Variants in MAG observed in about 807,000 individuals in gnomAD.
MAG encodes the protein myelin-associated glycoprotein.
MAG carries 30 observed loss-of-function variants against 60.7 expected under a neutral mutation model. That is an observed-to-expected ratio of 0.49 (90% CI 0.37 to 0.67). MAG has a LOEUF of 0.67. Ranked by LOEUF, MAG falls within the 30% of genes least tolerant of loss-of-function variation. The pLI is 0.00. For synonymous variants in MAG, 384 were observed against 376.8 expected, an observed-to-expected ratio of 1.02 and a Z score of -0.22; for missense variants, 795 against 851.7, an observed-to-expected ratio of 0.93 and a Z score of 0.83.
chr19:35,295,740 C>T lies in MAG; in HGVS notation c.174C>T (p.Val58=), dbSNP rs1422574010. 4.3e-6 allele frequency: 7 copies of T among 1,613,832 alleles called. No homozygotes were observed. The highest frequency in any genetic ancestry group is 5.9e-6 in the Non-Finnish European group (7 of 1,180,024). The part of the protein sequence containing the change: ...DELRPAVVHG[V]WYFNSPYPKN... ...TGCGGCCCGCTGTGGTGCATGGTGT[C>T]TGGTACTTCAATAGCCCCTACCCCA... Residue 58 remains valine, a synonymous_variant, in exon 4 of 11, where the codon GTC becomes GTT. Transcript: ENST00000392213. The surrounding 1 kb of genome is among the most constrained non-coding windows in gnomAD (Gnocchi z 5.8).
rs1480919426 is a variant in MAG, at chr19:35,313,273, G to C, written c.1717-17G>C. The C allele has an allele frequency of 1.9e-6, 3 of 1,609,320 alleles. No individual in the cohort carries two copies. The highest frequency in any genetic ancestry group is 2.5e-6 in the Non-Finnish European group (3 of 1,177,854). On this transcript the variant is annotated splice_polypyrimidine_tract_variant and intron_variant, in intron 10 of 10. Coordinates refer to ENST00000392213, the MANE Select transcript of MAG (RefSeq NM_002361.4). ...GCAGGGAGCAGGACCCTGCTAATGG[G>C]CGGTTTCCCCTCTTAGAGCGAGAGG...
chr19:35,301,871 C>A (rs2066451150), intron 6 of MAG, among the ~76,000 whole-genome samples: 1 of 151,110 alleles, frequency 6.6e-6, no homozygotes, highest in Non-Finnish European at 1.5e-5. Context: ...CGGACTCCTG[C>A]ATGCTTTTGA....
At position 35,293,995 on chromosome 19, in the gene MAG, C is replaced by T. The variant is rs1228768298; in HGVS notation, c.-79-240C>T. On this transcript the variant is annotated intron_variant, in intron 1 of 10. Coordinates refer to ENST00000392213, the MANE Select transcript of MAG (RefSeq NM_002361.4). The surrounding 1 kb of genome is among the most constrained non-coding windows in gnomAD (Gnocchi z 4.0). The stretch of plus-strand genomic sequence containing the variant: ...ACTCGCCACACCCCTCAGTCTCACC[C>T]CCGTACCCCGATGCGGTCGTTCCCC... Among the ~76,000 whole-genome samples the T allele has an allele frequency of 6.6e-6, 1 of 152,136 alleles. No individual in the cohort carries two copies. The highest frequency in any genetic ancestry group is 1.5e-5 in the Non-Finnish European group (1 of 68,010).
chr19:35,309,328 A>C (rs1429193877), intron 7 of MAG, among the ~76,000 whole-genome samples: 1 of 152,168 alleles, frequency 6.6e-6, no homozygotes, highest in Non-Finnish European at 1.5e-5. Context: ...TGCTACGGCG[A>C]GAGAAAGGGA....
At position 35,301,962 on chromosome 19, in the gene MAG, A is replaced by G. The variant is rs777035151; in HGVS notation, c.971-486A>G. ...CGCTGAAGCCTTCCCCCATCATCCTATCCCAAACTGTAACTACCCTGATTT... is the reference window on the plus strand; with the variant it reads ...CGCTGAAGCCTTCCCCCATCATCCTGTCCCAAACTGTAACTACCCTGATTT... On this transcript the variant is annotated intron_variant, in intron 6 of 10. Coordinates refer to ENST00000392213, the MANE Select transcript of MAG (RefSeq NM_002361.4). Among the ~76,000 whole-genome samples, 30 of 152,098 alleles carry G rather than the reference A, an allele frequency of 2.0e-4. 1 individual carries two copies. Among genetic ancestry groups the G allele is most frequent in the Non-Finnish European group, 3.4e-4 (23 of 67,982 alleles).
rs1210610124 is a variant in MAG at position 35,295,037 on chromosome 19, G to T, written c.-23-349G>T. 1.3e-5 allele frequency among the ~76,000 whole-genome samples: 2 copies of T among 152,144 alleles called. No homozygotes were observed. Among genetic ancestry groups the T allele is most frequent in the African/African-American group, 4.8e-5 (2 of 41,402 alleles). ...AGCCAAGGCAGGAATATTGCTGGAG[G>T]CCAGGAGTTGAAGACCAGCCTGGGC... On this transcript the variant is annotated intron_variant, in intron 2 of 10. Transcript: ENST00000392213. The surrounding 1 kb of genome is among the most constrained non-coding windows in gnomAD (Gnocchi z 5.8).
chr19:35,299,473 A>C, intron 4 of MAG, 81 bp from the exon 5 acceptor site: 1 of 920,116 alleles, frequency 1.1e-6, no homozygotes, highest in Non-Finnish European at 1.6e-6. Context: ...GGAGGTGGAC[A>C]AGGAGGAGGG....
rs960471583 is a variant in MAG at position 35,295,056 on chromosome 19, C to T, written c.-23-330C>T. On this transcript the variant is annotated intron_variant, in intron 2 of 10. Coordinates refer to ENST00000392213, the MANE Select transcript of MAG (RefSeq NM_002361.4). This position sits in a 1 kb window ranked among gnomAD's most constrained non-coding sequence, Gnocchi z 5.8. ...CTGGAGGCCAGGAGTTGAAGACCAG[C>T]CTGGGCAACATAGTAAGACCCCACC... Among the ~76,000 whole-genome samples, 2 of 152,116 alleles carry T rather than the reference C, an allele frequency of 1.3e-5. No individual in the cohort carries two copies. Among genetic ancestry groups the T allele is most frequent in the African/African-American group, 4.8e-5 (2 of 41,390 alleles).
Position 35,293,741 on chromosome 19 carries a change from C to G in MAG, c.-79-494C>G, listed in dbSNP as rs1047910172. Among the ~76,000 whole-genome samples the G allele has an allele frequency of 5.9e-5, 9 of 152,196 alleles. 1 individual carries two copies. The South Asian group carries it at 6.2e-4, about 11-fold the overall frequency. On this transcript the variant is annotated intron_variant, in intron 1 of 10. Transcript: ENST00000392213. This position sits in a 1 kb window ranked among gnomAD's most constrained non-coding sequence, Gnocchi z 4.0. ...TACTCCCCACTTACCCTGAAAGCCC[C>G]CCGCAGGCTAAAACACCCTCTCCCC... is the stretch of plus-strand genomic sequence containing the variant.
At chr19:35,306,247 G>A (rs10414549) in intron 7 of MAG, among the ~76,000 whole-genome samples, 53,928 of 146,960 alleles carry the variant, frequency 0.37, 10,073 homozygotes, top group Middle Eastern at 0.44. Flanking sequence ...ACAATACTGA[G>A]TGTTCATAGT....
At chr19:35,311,826 A>C in intron 9 of MAG, 92 bp from the exon 10 acceptor site, 1 of 788,318 alleles carries the variant, frequency 1.3e-6, no homozygotes, top group Non-Finnish European at 2.2e-6. Context: ...GATGGGTGGG[A>C]GAACTCTGAG....
chr19:35,313,351 T>C lies in MAG; in HGVS notation c.1778T>C (p.Leu593Pro), dbSNP rs758540666. 12 of 1,614,060 alleles carry C rather than the reference T, an allele frequency of 7.4e-6. No individual in the cohort carries two copies. Among genetic ancestry groups the C allele is most frequent in the Non-Finnish European group, 9.3e-6 (11 of 1,180,018 alleles). Residue 593 changes from leucine (L) to proline (P), a missense_variant, in exon 11 of 11, where the codon CTG becomes CCG. By Grantham distance (98) the Leu-to-Pro change is moderately conservative. Coordinates refer to ENST00000392213, the MANE Select transcript of MAG (RefSeq NM_002361.4). Reference protein sequence around the residue: ...LLGLRGEPPELDLSYSHSDLG... With the variant: ...LLGLRGEPPEPDLSYSHSDLG... ...GGCCTTCGGGGTGAGCCCCCAGAGC[T>C]GGACCTGAGCTATTCTCACTCGGAC...
intron 6 of MAG, 77 bp from the exon 7 acceptor site, chr19:35,302,371 C>A: frequency 6.4e-7 from 1 of 1,561,778 alleles, no homozygotes; most frequent in South Asian, 1.2e-5. Flanking sequence ...GATCTGGGGT[C>A]ATATCTGGGG....
chr19:35,303,490 G>A (rs1316696663), intron 7 of MAG, among the ~76,000 whole-genome samples: 2 of 152,152 alleles, frequency 1.3e-5, no homozygotes, highest in Non-Finnish European at 2.9e-5. Context: ...CCAGGAAATG[G>A]CAGAATTTGA....
chr19:35,296,374 C>G (rs2066398326), intron 4 of MAG, among the ~76,000 whole-genome samples: 1 of 152,192 alleles, frequency 6.6e-6, no homozygotes, highest in East Asian at 1.9e-4. Flanking sequence ...GCACTTAAGG[C>G]AATGAGTGAA....
At position 35,310,569 on chromosome 19, in the gene MAG, C is replaced by T. The variant is rs199748603; in HGVS notation, c.1542C>T (p.Ile514=). 1.9e-5 allele frequency: 30 copies of T among 1,614,050 alleles called. No individual in the cohort carries two copies. The highest frequency in any genetic ancestry group is 8.9e-5 in the East Asian group (4 of 44,886). Residue 514 remains isoleucine, a synonymous_variant, in exon 9 of 11, where the codon ATC becomes ATT. Transcript: ENST00000392213. ...CAGATCGACTGATGTGGGCCAAGAT[C>T]GGGCCTGTGGGCGCCGTGGTCGCCT... ...QGAHRLMWAK[I]GPVGAVVAFA...
intron 1 of MAG, 94 bp downstream of exon 1, chr19:35,292,298 G>C: frequency 2.2e-6 from 1 of 455,440 alleles, no homozygotes; most frequent in Non-Finnish European, 4.4e-6. Flanking sequence ...CTGGGTGAGG[G>C]AGCATCGCTG....
rs746838163 is a variant in MAG at position 35,302,550 on chromosome 19, C to G, written c.1073C>G (p.Thr358Ser). The change falls in exon 7 of 11, where the codon ACC becomes AGC. Residue 358 changes from threonine to serine, a missense_variant. By Grantham distance (58) the Thr-to-Ser change is moderately conservative. Coordinates refer to ENST00000392213, the MANE Select transcript of MAG (RefSeq NM_002361.4). ...CAGAGCAACCCGGACCCTATTCTCACCATCTTCAAGGAGAAGCAGATCCTG... is the reference window on the plus strand; with the variant it reads ...CAGAGCAACCCGGACCCTATTCTCAGCATCTTCAAGGAGAAGCAGATCCTG... The part of the protein sequence containing the change: ...STQSNPDPIL[T>S]IFKEKQILST... The G allele has an allele frequency of 6.2e-7, 1 of 1,614,218 alleles. No homozygotes were observed. The highest frequency in any genetic ancestry group is 1.1e-5 in the South Asian group (1 of 91,084).
At position 35,295,399 on chromosome 19, in the gene MAG, G is replaced by A. The variant is rs200259563; in HGVS notation, c.-10G>A. 104 of 1,613,578 alleles carry A rather than the reference G, an allele frequency of 6.4e-5. 1 individual carries two copies. The South Asian group carries it at 9.8e-4, about 15-fold the overall frequency. ...CTCCCTTTCCAGCGATCACTCACTC[G>A]CTGTACAGAATGATATTCCTCACGG... is the stretch of plus-strand genomic sequence containing the variant. On this transcript the variant is annotated 5_prime_UTR_variant, in exon 3 of 11. Transcript: ENST00000392213. This position sits in a 1 kb window ranked among gnomAD's most constrained non-coding sequence, Gnocchi z 5.8.
Sources: gnomAD v4.1 joint callset for allele counts (sites outside exome capture counted in the v4.1 genomes callset) on GRCh38, gnomAD v4.1.1 for gene constraint, Gnocchi (gnomAD v3.1) non-coding constraint, MANE v1.5 for transcripts, NCBI Gene and HGNC (gene_info 2026-07-23, HGNC 2026-07-21) for gene names.